The following ST7 variants were observed in gnomAD, a reference collection of about 807,000 sequenced individuals.
ST7 encodes the protein suppressor of tumorigenicity 7 protein.
In ST7, 28 loss-of-function variants were observed where a neutral mutation model predicts 78.7. The observed-to-expected ratio is 0.36, with a 90% confidence interval of 0.26 to 0.49. The LOEUF (loss-of-function observed/expected upper bound fraction) is 0.49. Among genes scored for constraint, ST7 ranks in the 20% least tolerant of loss-of-function variants. ST7 has a pLI of 0.99. For synonymous variants in ST7, 247 were observed against 249.6 expected, an observed-to-expected ratio of 0.99 and a Z score of 0.10; for missense variants, 418 against 696.0, an observed-to-expected ratio of 0.60 and a Z score of 4.49.
At chr7:116,978,729 G>C (rs1445076781) in intron 1 of ST7, among the ~76,000 whole-genome samples, 1 of 152,076 alleles carries the variant, frequency 6.6e-6, no homozygotes, top group Non-Finnish European at 1.5e-5. Context: ...GGGACTACAG[G>C]CATGCACCAC....
chr7:116,989,699 C>T (rs1335718652), intron 1 of ST7, among the ~76,000 whole-genome samples: 17 of 151,742 alleles, frequency 1.1e-4, no homozygotes, highest in Non-Finnish European at 1.5e-5. Context: ...ATTAGCTGGG[C>T]ATGGTGACAT....
At chr7:116,993,170 A>G (rs1562998386) in intron 1 of ST7, among the ~76,000 whole-genome samples, 1 of 152,142 alleles carries the variant, frequency 6.6e-6, no homozygotes, top group Non-Finnish European at 1.5e-5. Flanking sequence ...CCACATTTTC[A>G]GGTATCTTTT....
At chr7:117,146,941 T>A (rs1476856447) in intron 9 of ST7, among the ~76,000 whole-genome samples, 6 of 152,200 alleles carry the variant, frequency 3.9e-5, no homozygotes, top group African/African-American at 1.4e-4. Context: ...TTGGGGGATT[T>A]GATTAGATCC....
In ST7 at chr7:117,031,839, T is replaced by TGTGTGTATATATATGCATATAC. The variant is rs1172295682; in HGVS notation, c.152-67923_152-67922insGTGTGTATATATATGCATATAC. Among the ~76,000 whole-genome samples, 2 of 123,934 alleles carry TGTGTGTATATATATGCATATAC rather than the reference T, an allele frequency of 1.6e-5. 1 individual carries two copies. The highest frequency in any genetic ancestry group is 3.3e-5 in the Non-Finnish European group (2 of 60,204). The allele number at this position is 123,934 out of a possible 152,430, so 81.3% of individuals were successfully genotyped here. Reference sequence around the variant, plus strand: ...GCATATATCTATATCTATATCTATATCTATATCTATATCTATATCTATCTA... The same window carrying TGTGTGTATATATATGCATATAC: ...GCATATATCTATATCTATATCTATATGTGTGTATATATATGCATATACCTATATCTATATCTATATCTATCTA... On this transcript the variant is annotated intron_variant, in intron 1 of 15. Coordinates refer to ENST00000323984, the MANE Select transcript of ST7 (RefSeq NM_001369598.1).
intron 10 of ST7, among the ~76,000 whole-genome samples, chr7:117,171,504 C>A (rs930869329): frequency 6.6e-6 from 1 of 151,918 alleles, no homozygotes. Context: ...AGCAGAATAT[C>A]CCCATTTCTT....
At chr7:117,104,678 G>A (rs757067592) in intron 2 of ST7, among the ~76,000 whole-genome samples, 1 of 152,192 alleles carries the variant, frequency 6.6e-6, no homozygotes. Context: ...CATGTTTATT[G>A]CAGCACTGTT....
intron 9 of ST7, among the ~76,000 whole-genome samples, chr7:117,143,749 C>T (rs1428474475): frequency 2.6e-5 from 4 of 152,080 alleles, no homozygotes; most frequent in East Asian, 1.9e-4. Context: ...CAGGATTAAA[C>T]GGGATAATTC....
chr7:117,130,665 T>C, intron 5 of ST7, 59 bp downstream of exon 5: 1 of 1,280,746 alleles, frequency 7.8e-7, no homozygotes, highest in Non-Finnish European at 1.1e-6. Context: ...AGTGTCAAGA[T>C]TTCTGCTTTT....
At chr7:117,079,968 CTTTTTTTTTTTTTTTTT>C (rs34326752) in intron 1 of ST7, among the ~76,000 whole-genome samples, 9 of 65,410 alleles carry the variant, frequency 1.4e-4, no homozygotes, top group Non-Finnish European at 2.1e-4. Flanking sequence ...TTTGTCATTC[CTTTTTTTTTTTTTTTTT>C]TTTTTTTTTT....
At chr7:116,979,527 C>A (rs1028983126) in intron 1 of ST7, among the ~76,000 whole-genome samples, 1 of 152,188 alleles carries the variant, frequency 6.6e-6, no homozygotes, top group Non-Finnish European at 1.5e-5. Flanking sequence ...TAACAGAGTG[C>A]AATTTCTCTT....
At chr7:116,961,385 G>T (rs934250619) in intron 1 of ST7, among the ~76,000 whole-genome samples, 11 of 152,162 alleles carry the variant, frequency 7.2e-5, no homozygotes, top group African/African-American at 2.2e-4. Context: ...GAATATCATT[G>T]AAATTGTAAA....
rs143515006 is a variant in ST7, at chr7:117,181,925, C to G, written c.1079-7396C>G. Among the ~76,000 whole-genome samples the G allele has an allele frequency of 2.6e-5, 4 of 152,240 alleles. No individual in the cohort carries two copies. In the East Asian group the frequency reaches 7.7e-4, roughly 29 times the overall value. ...TGTTTACATCTTTATTTAAACAAAG[C>G]ATTTGGTAATATTTTAAATGCTGTC... On this transcript the variant is annotated intron_variant, in intron 10 of 15. Transcript: ENST00000323984.
At chr7:117,052,034 G>A (rs1797815229) in intron 1 of ST7, among the ~76,000 whole-genome samples, 1 of 152,188 alleles carries the variant, frequency 6.6e-6, no homozygotes, top group Non-Finnish European at 1.5e-5. Context: ...TGAACACAGT[G>A]CAGCCTCTGT....
At chr7:116,991,540 G>A (rs1794427768) in intron 1 of ST7, among the ~76,000 whole-genome samples, 1 of 152,056 alleles carries the variant, frequency 6.6e-6, no homozygotes. Context: ...AGAACAATAT[G>A]GGTGAAACCG....
intron 1 of ST7, among the ~76,000 whole-genome samples, chr7:117,040,385 G>A (rs912516420): frequency 2.0e-5 from 3 of 151,894 alleles, no homozygotes; most frequent in Non-Finnish European, 4.4e-5. Flanking sequence ...AAAAAAAAGA[G>A]TTAGAAACAT....
At chr7:117,011,685 AC>A (rs1442929618) in intron 1 of ST7, among the ~76,000 whole-genome samples, 4 of 152,224 alleles carry the variant, frequency 2.6e-5, no homozygotes, top group African/African-American at 9.6e-5. Flanking sequence ...TGCTATAAGT[AC>A]AACCCACTGC....
intron 10 of ST7, among the ~76,000 whole-genome samples, chr7:117,183,803 A>T (rs1808989142): frequency 1.3e-5 from 2 of 152,254 alleles, no homozygotes; most frequent in African/African-American, 4.8e-5. Flanking sequence ...CACAAAAATG[A>T]TCACAGCAGC....
intron 3 of ST7, among the ~76,000 whole-genome samples, chr7:117,127,913 A>T (rs1250170517): frequency 6.6e-6 from 1 of 151,940 alleles, no homozygotes; most frequent in Non-Finnish European, 1.5e-5. Flanking sequence ...TAGAGTCGAA[A>T]TTTTAATTGA....
Position 117,096,315 on chromosome 7 carries a change from C to T in ST7, c.152-3447C>T, listed in dbSNP as rs115853976. 7.9e-3 allele frequency among the ~76,000 whole-genome samples: 1,204 copies of T among 152,216 alleles called. 22 individuals carry two copies. The highest frequency in any genetic ancestry group is 0.028 in the African/African-American group (1,147 of 41,516). On this transcript the variant is annotated intron_variant, in intron 1 of 15. Transcript: ENST00000323984. ...AAGAATTTTTAAACTAGATTCTCCC[C>T]CTTCTCAGGGTGGCTTTCTGCCTTT...
Sources: allele counts gnomAD v4.1 joint callset (sites outside exome capture counted in the v4.1 genomes callset), GRCh38; gene constraint gnomAD v4.1.1; transcripts MANE v1.5; gene names NCBI Gene and HGNC (gene_info 2026-07-23, HGNC 2026-07-21).